POM121: variants seen among roughly 807,000 people sequenced by gnomAD.
POM121 encodes nuclear envelope pore membrane protein POM 121.
Under a neutral mutation model 81.3 loss-of-function variants are expected in POM121, and 32 were observed. The observed-to-expected ratio is 0.39, with a 90% CI of 0.30 to 0.53. The LOEUF is 0.53. Among genes scored for constraint, POM121 ranks in the 20% least tolerant of loss-of-function variants. POM121 has a pLI of 0.66. For missense variants in POM121, 1,138 were observed against 1,614.6 expected (o/e 0.70, Z 5.06); for synonymous variants, 514 against 694.2 (o/e 0.74, Z 4.08).
chr7:72,925,784 G>C lies in POM121; in HGVS notation c.644+19G>C, dbSNP rs782635405. ...CCCCACGGTAAGATGCGCTGATTTT[G>C]TCAGATCATCCTCTGGCTCGGCTGG... On this transcript the variant is annotated intron_variant, in intron 1 of 12. Coordinates refer to ENST00000434423, the MANE Select transcript of POM121 (RefSeq NM_001387691.1). 7.8e-7 allele frequency: 1 copy of C among 1,282,030 alleles called. No homozygotes were observed. The highest frequency in any genetic ancestry group is 9.9e-7 in the Non-Finnish European group (1 of 1,014,022). 79.4% of individuals were successfully genotyped at this position (1,282,030 alleles called of 1,614,324 possible). A position where few individuals can be genotyped will look rare whatever the true frequency, so the allele number is the denominator to read the frequency against.
At chr7:72,913,293 G>A (rs1460470826) in intron 3 of POM121, among the ~76,000 whole-genome samples, 6 of 152,204 alleles carry the variant, frequency 3.9e-5, no homozygotes, top group Admixed American at 2.6e-4. Context: ...CCACTGCGTC[G>A]GGACATGCCG....
At chr7:72,882,213 C>G (rs1387911850) in intron 1 of POM121, among the ~76,000 whole-genome samples, 2 of 152,120 alleles carry the variant, frequency 1.3e-5, no homozygotes, top group Non-Finnish European at 2.9e-5. Flanking sequence ...TCTGCAGGCT[C>G]TATCATAGGA....
rs1797826142 is a variant in POM121 at position 72,948,179 on chromosome 7, TGG to T, written c.*1947_*1948del. 1 of 1,437,216 alleles carries T rather than the reference TGG, an allele frequency of 7.0e-7. No individual in the cohort carries two copies. Among genetic ancestry groups the T allele is most frequent in the South Asian group, 1.5e-5 (1 of 66,436 alleles). The allele number at this position is 1,437,216 out of a possible 1,614,324, so 89.0% of individuals were successfully genotyped here. On this transcript the variant is annotated 3_prime_UTR_variant, in exon 13 of 13. Coordinates refer to ENST00000434423, the MANE Select transcript of POM121 (RefSeq NM_001387691.1). ...CACGCACTGGACGGCAGCGGGAGGC[TGG>T]GACTTTCCATTACAAATAGAGACTT... is the stretch of plus-strand genomic sequence containing the variant.
Position 72,926,666 on chromosome 7 carries a change from C to T in POM121, c.861-136C>T, listed in dbSNP as rs1201297651. The T allele has an allele frequency of 2.0e-6, 3 of 1,475,908 alleles. No homozygotes were observed. The African/African-American group carries it at 4.2e-5, about 21-fold the overall frequency. 91.4% of individuals were successfully genotyped at this position (1,475,908 alleles called of 1,614,324 possible). On this transcript the variant is annotated intron_variant, in intron 2 of 12. Coordinates refer to ENST00000434423, the MANE Select transcript of POM121 (RefSeq NM_001387691.1). ...CTTAACGAAAAAGTAGCTTTACTTG[C>T]TAACGGGAACTGCTGTGAGTGTATA...
exon 1 of POM121, chr7:72,879,531 G>C (rs1789919593): frequency 3.8e-6 from 1 of 260,642 alleles, no homozygotes; most frequent in Non-Finnish European, 7.5e-6. Flanking sequence ...GTAGAGGCTC[G>C]AGCCGGGACC....
chr7:72,929,966 A>G lies in POM121; in HGVS notation c.1130A>G (p.Asn377Ser), dbSNP rs1795852385. 9.9e-6 allele frequency: 16 copies of G among 1,611,946 alleles called. No homozygotes were observed. Among genetic ancestry groups the G allele is most frequent in the Non-Finnish European group, 1.2e-5 (14 of 1,178,528 alleles). Residue 377 changes from asparagine to serine, a missense_variant, in exon 5 of 13, where the codon AAT (asparagine) becomes AGT (serine). Around this residue, in one of 7 missense-constraint regions of POM121, gnomAD observed 646 missense variants for 633.5 expected, o/e 1.02. Transcript: ENST00000434423. ...CCTGGGTCTCTGAAGAGAGGCCTCA[A>G]TTCTCAGAGCTCAGATGACCACTTG... is the stretch of plus-strand genomic sequence containing the variant. The part of the protein sequence containing the change: ...PKPGSLKRGL[N>S]SQSSDDHLNK...
intron 5 of POM121, among the ~76,000 whole-genome samples, chr7:72,934,634 A>G (rs1187167473): frequency 2.0e-5 from 3 of 152,152 alleles, no homozygotes; most frequent in Non-Finnish European, 4.4e-5. Context: ...TAAATCCATA[A>G]ACCACCTGAA....
intron 6 of POM121, 135 bp from the exon 7 acceptor site, chr7:72,939,201 A>G: frequency 7.8e-7 from 1 of 1,287,280 alleles, no homozygotes; most frequent in Non-Finnish European, 1.1e-6. Context: ...GACTTTTTTT[A>G]TCCTGGCATA....
At position 72,943,510 on chromosome 7, in the gene POM121, C is replaced by A; in HGVS notation, c.3517C>A (p.Pro1173Thr). Residue 1173 changes from proline to threonine, a missense_variant, in exon 11 of 13, where the codon CCT becomes ACT. Transcript: ENST00000434423. ...FNVSSTTESKPVFGGTATPTF... is the reference protein window; with the variant it reads ...FNVSSTTESKTVFGGTATPTF... ...CGTGAGCAGCACAACTGAGAGCAAA[C>A]CTGTGTTTGGAGGTAAGGAGGGGCG... The A allele has an allele frequency of 6.2e-7, 1 of 1,612,108 alleles. No individual in the cohort carries two copies. The highest frequency in any genetic ancestry group is 8.5e-7 in the Non-Finnish European group (1 of 1,179,816).
intron 3 of POM121, chr7:72,891,140 A>C (rs1791260402): frequency 2.4e-6 from 2 of 823,750 alleles, no homozygotes; most frequent in Non-Finnish European, 4.0e-6. Flanking sequence ...AATGTTAAAA[A>C]ATGCTCATCC....
At chr7:72,929,829 A>G in intron 4 of POM121, 111 bp from the exon 5 acceptor site, 2 of 1,373,710 alleles carry the variant, frequency 1.5e-6, no homozygotes, top group Non-Finnish European at 1.9e-6. Context: ...TAAAAATTAA[A>G]AGCATTATTC....
chr7:72,901,845 G>C (rs1792680652), intron 3 of POM121, among the ~76,000 whole-genome samples: 1 of 150,652 alleles, frequency 6.6e-6, no homozygotes, highest in Non-Finnish European at 1.5e-5. Context: ...GGGCACGGTG[G>C]CTCACATCTA....
chr7:72,930,646 C>T (rs1399667513), intron 5 of POM121, among the ~76,000 whole-genome samples: 2 of 152,174 alleles, frequency 1.3e-5, no homozygotes, highest in African/African-American at 4.8e-5. Flanking sequence ...AAGGGATTAT[C>T]GCATAGTATA....
chr7:72,935,136 G>T (rs782485999), intron 5 of POM121, among the ~76,000 whole-genome samples: 1 of 151,332 alleles, frequency 6.6e-6, no homozygotes, highest in Middle Eastern at 3.4e-3. Flanking sequence ...TATTGACCTT[G>T]TTTACTTCTA....
chr7:72,882,777 G>A (rs1790291006), intron 1 of POM121, among the ~76,000 whole-genome samples: 1 of 152,176 alleles, frequency 6.6e-6, no homozygotes, highest in Admixed American at 6.5e-5. Flanking sequence ...CCTCATTTCT[G>A]TTTCTCATTT....
Position 72,925,683 on chromosome 7 carries a change from TC to T in POM121, c.566del (p.Pro189ArgfsTer37). On this transcript the variant is annotated frameshift_variant, in exon 1 of 13. Coordinates refer to ENST00000434423, the MANE Select transcript of POM121 (RefSeq NM_001387691.1). LOFTEE classifies it high-confidence loss of function. ...RSPPPRSPPP[S>X]PPTHRAHHVY... ...CCCACCGCCGCGCTCCCCCCCGCCCTCCCCGCCGACCCATCGCGCTCACCAC... is the reference window on the plus strand; with the variant it reads ...CCCACCGCCGCGCTCCCCCCCGCCCTCCCGCCGACCCATCGCGCTCACCAC... 1 of 168,068 alleles carries T rather than the reference TC, an allele frequency of 5.9e-6. No individual in the cohort carries two copies. 10.4% of individuals were successfully genotyped at this position (168,068 alleles called of 1,614,324 possible). A position where few individuals can be genotyped will look rare whatever the true frequency, so the allele number is the denominator to read the frequency against.
intron 3 of POM121, among the ~76,000 whole-genome samples, chr7:72,903,401 C>T (rs1309707305): frequency 3.9e-5 from 6 of 152,214 alleles, no homozygotes; most frequent in African/African-American, 1.2e-4. Flanking sequence ...CACACCACTG[C>T]ACTCCAGTCT....
At chr7:72,929,288 T>C (rs1419476032) in intron 4 of POM121, among the ~76,000 whole-genome samples, 6 of 152,230 alleles carry the variant, frequency 3.9e-5, no homozygotes, top group African/African-American at 1.4e-4. Context: ...TCTGTTTGAC[T>C]TCAAATAGGA....
intron 3 of POM121, among the ~76,000 whole-genome samples, chr7:72,913,118 G>A (rs1171048071): frequency 6.6e-6 from 1 of 152,214 alleles, no homozygotes. Flanking sequence ...TGACTCTGGA[G>A]ACAAGACCAG....
Sources: gnomAD v4.1 joint callset for allele counts (sites outside exome capture counted in the v4.1 genomes callset) on GRCh38, gnomAD v4.1.1 for gene constraint, gnomAD v4.1.1 regional missense constraint, MANE v1.5 for transcripts, NCBI Gene and HGNC (gene_info 2026-07-23, HGNC 2026-07-21) for gene names.